Variants in SLC3A2 observed in about 807,000 individuals in gnomAD.
SLC3A2 encodes amino acid transporter heavy chain SLC3A2.
A neutral mutation model predicts 48.5 loss-of-function variants in SLC3A2; 32 were observed. That is an observed-to-expected ratio of 0.66 (90% CI 0.50 to 0.89). SLC3A2 has a LOEUF of 0.89. Ranked by LOEUF, SLC3A2 falls within the 40% of genes least tolerant of loss-of-function variation. SLC3A2 has a pLI of 0.00. For synonymous variants in SLC3A2, 277 were observed against 288.8 expected (o/e 0.96, Z 0.41); for missense variants, 587 against 680.7 (o/e 0.86, Z 1.53).
chr11:62,875,167 C>T (rs1289383660), intron 1 of SLC3A2, among the ~76,000 whole-genome samples: 2 of 152,078 alleles, frequency 1.3e-5, no homozygotes, highest in Non-Finnish European at 2.9e-5. Context: ...CTTGGGCTTT[C>T]GAAGATTTAT....
chr11:62,865,588 G>T (rs903165207), intron 1 of SLC3A2, among the ~76,000 whole-genome samples: 3 of 149,972 alleles, frequency 2.0e-5, no homozygotes, highest in Non-Finnish European at 4.4e-5. Flanking sequence ...AAAAAAGTTG[G>T]CTTAGATCCA....
In SLC3A2 at chr11:62,881,653, G is replaced by A; in HGVS notation, c.424+206G>A. 3.4e-6 allele frequency: 3 copies of A among 888,178 alleles called. No individual in the cohort carries two copies. Among genetic ancestry groups the A allele is most frequent in the African/African-American group, 1.8e-5 (1 of 56,442 alleles). The allele number at this position is 888,178 out of a possible 1,614,324, so 55.0% of individuals were successfully genotyped here. On this transcript the variant is annotated intron_variant, in intron 1 of 8. Coordinates refer to ENST00000338663, the MANE Select transcript of SLC3A2 (RefSeq NM_001013251.3). The surrounding 1 kb of genome is among the most constrained non-coding windows in gnomAD (Gnocchi z 4.0). ...GCCGACCCGCCCCTCACTCCGTCACGAGGGTGGGTGACTCAGCGTCCTCCT... is the reference window on the plus strand; with the variant it reads ...GCCGACCCGCCCCTCACTCCGTCACAAGGGTGGGTGACTCAGCGTCCTCCT...
At chr11:62,865,432 A>G (rs998321089) in intron 1 of SLC3A2, among the ~76,000 whole-genome samples, 1 of 151,962 alleles carries the variant, frequency 6.6e-6, no homozygotes, top group Non-Finnish European at 1.5e-5. Context: ...GTGTGCCCGT[A>G]ATCCCAGCTA....
intron 7 of SLC3A2, among the ~76,000 whole-genome samples, chr11:62,887,079 CAGATGTTT>C (rs1360704421): frequency 1.3e-5 from 2 of 152,128 alleles, no homozygotes; most frequent in Non-Finnish European, 2.9e-5. Context: ...ATTTATTCCA[CAGATGTTT>C]ATAGAATAAT....
chr11:62,856,181 G>T (rs554017820), exon 1 of SLC3A2: 22 of 1,040,218 alleles, frequency 2.1e-5, no homozygotes, highest in African/African-American at 3.2e-5. Context: ...GGCGATCCTG[G>T]ACTGACGGTC....
At chr11:62,864,103 C>A (rs1286602314) in intron 1 of SLC3A2, among the ~76,000 whole-genome samples, 1 of 152,092 alleles carries the variant, frequency 6.6e-6, no homozygotes, top group Non-Finnish European at 1.5e-5. Flanking sequence ...CACACCCGTG[C>A]ATTCTTTTTG....
chr11:62,861,637 C>T (rs973284665), intron 1 of SLC3A2, among the ~76,000 whole-genome samples: 4 of 152,088 alleles, frequency 2.6e-5, no homozygotes, highest in African/African-American at 9.7e-5. Context: ...TCTGGTCGGT[C>T]GGGCACAGTG....
At chr11:62,862,530 C>T (rs2085411951) in intron 1 of SLC3A2, among the ~76,000 whole-genome samples, 1 of 151,896 alleles carries the variant, frequency 6.6e-6, no homozygotes, top group South Asian at 2.1e-4. Context: ...CACCCCTCCC[C>T]CAAGCCTAAA....
Position 62,884,650 on chromosome 11 carries a change from G to T in SLC3A2, c.778G>T (p.Ala260Ser). Residue 260 changes from alanine to serine, a missense_variant, in exon 5 of 9, where the codon GCT becomes TCT. Ala to Ser is a moderately conservative substitution (Grantham distance 99). Around this residue, in one of 3 missense-constraint regions of SLC3A2, gnomAD observed 409 missense variants for 446.7 expected, o/e 0.92. Transcript: ENST00000338663. ...ENLKDASSFL[A>S]EWQNITKGFS... ...TTTCTAGGATGCATCCTCATTCTTG[G>T]CTGAGTGGCAAAATATCACCAAGGG... is the stretch of plus-strand genomic sequence containing the variant. 1 of 1,609,542 alleles carries T rather than the reference G, an allele frequency of 6.2e-7. No individual in the cohort carries two copies. Among genetic ancestry groups the T allele is most frequent in the Non-Finnish European group, 8.5e-7 (1 of 1,176,986 alleles).
chr11:62,871,643 T>C (rs1038908439), intron 1 of SLC3A2: 3 of 663,922 alleles, frequency 4.5e-6, no homozygotes, highest in African/African-American at 3.6e-5. Context: ...CCTCCTGCCT[T>C]AGCTTCCAAG....
At chr11:62,880,183 C>T (rs2085614465), upstream of SLC3A2, among the ~76,000 whole-genome samples, 1 of 152,182 alleles carries the variant, frequency 6.6e-6, no homozygotes, top group Admixed American at 6.5e-5. Context: ...GGGGTGTCTA[C>T]CTCAACCTTC....
chr11:62,884,599 C>T, intron 4 of SLC3A2, 33 bp from the exon 5 acceptor site: 1 of 1,612,694 alleles, frequency 6.2e-7, no homozygotes, highest in South Asian at 1.1e-5. Flanking sequence ...TCATAATATT[C>T]TCTGGTCCTT....
At chr11:62,869,864 C>T (rs1278161990) in intron 1 of SLC3A2, among the ~76,000 whole-genome samples, 1 of 150,774 alleles carries the variant, frequency 6.6e-6, no homozygotes, top group Non-Finnish European at 1.5e-5. Flanking sequence ...CTCATTGCAA[C>T]CTCTGCCTCC....
chr11:62,888,432 C>G lies in SLC3A2; in HGVS notation c.1329C>G (p.Phe443Leu). 1 of 1,614,234 alleles carries G rather than the reference C, an allele frequency of 6.2e-7. No individual in the cohort carries two copies. The highest frequency in any genetic ancestry group is 8.5e-7 in the Non-Finnish European group (1 of 1,180,042). ...RSLLHGDFHA[F>L]SAGPGLFSYI... ...TACTGCATGGGGACTTCCACGCGTT[C>G]TCCGCTGGGCCTGGACTCTTCTCCT... Residue 443 changes from phenylalanine (F) to leucine (L), a missense_variant, in exon 9 of 9, where the codon TTC (phenylalanine) becomes TTG (leucine). Transcript: ENST00000338663.
intron 1 of SLC3A2, among the ~76,000 whole-genome samples, chr11:62,867,419 G>A (rs1001631038): frequency 6.8e-5 from 10 of 146,072 alleles, no homozygotes; most frequent in African/African-American, 5.1e-5. Context: ...TCCGCCTCCC[G>A]GGTTCAAGCT....
chr11:62,879,989 T>C (rs2085611866), upstream of SLC3A2, among the ~76,000 whole-genome samples: 1 of 152,072 alleles, frequency 6.6e-6, no homozygotes, highest in African/African-American at 2.4e-5. Context: ...ACTGTGGGAG[T>C]TCCTGCAAGG....
chr11:62,881,880 GC>G lies in SLC3A2; in HGVS notation c.425-8del. 6.2e-7 allele frequency: 1 copy of G among 1,612,678 alleles called. No homozygotes were observed. Among genetic ancestry groups the G allele is most frequent in the Non-Finnish European group, 8.5e-7 (1 of 1,179,120 alleles). On this transcript the variant is annotated splice_polypyrimidine_tract_variant and intron_variant, in intron 1 of 8. Transcript: ENST00000338663. This position sits in a 1 kb window ranked among gnomAD's most constrained non-coding sequence, Gnocchi z 4.0. Reference sequence around the variant, plus strand: ...CAGAGGGGCCTCACTTGTTAACCCAGCCCCCATTTCAGGTCTGAAGGGGCGT... The same window carrying G: ...CAGAGGGGCCTCACTTGTTAACCCAGCCCCATTTCAGGTCTGAAGGGGCGT...
Position 62,880,966 on chromosome 11 carries a change from A to G in SLC3A2, c.-58A>G. On this transcript the variant is annotated 5_prime_UTR_variant, in exon 1 of 9. Coordinates refer to ENST00000338663, the MANE Select transcript of SLC3A2 (RefSeq NM_001013251.3). The stretch of plus-strand genomic sequence containing the variant: ...GCGTTCTGGGTCCGAGGGTCCAGGT[A>G]GGGGTTGAGCCACCATCTGACCGCA... The G allele has an allele frequency of 6.6e-7, 1 of 1,514,764 alleles. No homozygotes were observed. Among genetic ancestry groups the G allele is most frequent in the South Asian group, 1.3e-5 (1 of 75,344 alleles). The allele number at this position is 1,514,764 out of a possible 1,614,324, so 93.8% of individuals were successfully genotyped here. A position where few individuals can be genotyped will look rare whatever the true frequency, so the allele number is the denominator to read the frequency against.
intron 5 of SLC3A2, 99 bp from the exon 6 acceptor site, chr11:62,885,078 G>A (rs1465506136): frequency 7.5e-7 from 1 of 1,326,982 alleles, no homozygotes; most frequent in Non-Finnish European, 1.1e-6. Context: ...TGATCCACCC[G>A]CCTCAGCCTC....
Sources: gnomAD v4.1 joint callset for allele counts (sites outside exome capture counted in the v4.1 genomes callset) on GRCh38, gnomAD v4.1.1 for gene constraint, gnomAD v4.1.1 regional missense constraint, Gnocchi (gnomAD v3.1) non-coding constraint, MANE v1.5 for transcripts, NCBI Gene and HGNC (gene_info 2026-07-23, HGNC 2026-07-21) for gene names.